The following NGLY1 variants were observed in gnomAD, a reference collection of about 807,000 sequenced individuals.
NGLY1 encodes N-glycanase 1.
Under a neutral mutation model 84.6 loss-of-function variants are expected in NGLY1, and 68 were observed. The observed-to-expected ratio is 0.80, with a 90% CI of 0.66 to 0.98. The LOEUF (loss-of-function observed/expected upper bound fraction) is 0.98, where lower values mean the gene tolerates loss of function less well. Ranked by LOEUF, NGLY1 falls within the 50% of genes least tolerant of loss-of-function variation. NGLY1 has a pLI of 0.00. For missense variants in NGLY1, 779 were observed against 770.2 expected (o/e 1.01, Z -0.14); for synonymous variants, 280 against 275.2 (o/e 1.02, Z -0.17).
At chr3:25,721,583 A>C (rs914175285) in intron 10 of NGLY1, among the ~76,000 whole-genome samples, 1 of 151,598 alleles carries the variant, frequency 6.6e-6, no homozygotes, top group East Asian at 2.0e-4. Flanking sequence ...CCCTGCCTCT[A>C]CTAAAAATAC....
intron 5 of NGLY1, among the ~76,000 whole-genome samples, chr3:25,738,951 T>G (rs1431047239): frequency 6.6e-6 from 1 of 152,180 alleles, no homozygotes; most frequent in Non-Finnish European, 1.5e-5. Context: ...AAATTTAAAA[T>G]GTCCTTAGTT....
At chr3:25,766,244 T>C (rs1474721911) in intron 2 of NGLY1, among the ~76,000 whole-genome samples, 4 of 152,024 alleles carry the variant, frequency 2.6e-5, no homozygotes, top group African/African-American at 7.2e-5. Flanking sequence ...TTTTGTATTT[T>C]TTAGTAGAGA....
chr3:25,754,973 T>C, intron 3 of NGLY1: 1 of 775,562 alleles, frequency 1.3e-6, no homozygotes, highest in Admixed American at 1.8e-5. Context: ...TAGGGATGCC[T>C]TGGTGATGGC....
intron 7 of NGLY1, chr3:25,734,969 T>C (rs144299409): frequency 2.6e-4 from 130 of 491,962 alleles, no homozygotes; most frequent in African/African-American, 2.4e-3. Context: ...GAAAGACAAT[T>C]CAATGGAGAA....
Position 25,732,361 on chromosome 3 carries a change from C to T in NGLY1, c.1383G>A (p.Gly461=), listed in dbSNP as rs938966609. 6.2e-6 allele frequency: 10 copies of T among 1,613,618 alleles called. No homozygotes were observed. Among genetic ancestry groups the T allele is most frequent in the Non-Finnish European group, 7.6e-6 (9 of 1,179,744 alleles). The change falls in exon 9 of 12, where the codon GGG becomes GGA. Residue 461 remains glycine (G), a synonymous_variant. Coordinates refer to ENST00000280700, the MANE Select transcript of NGLY1 (RefSeq NM_018297.4). ...KPGELGGRIS[G]SVAWRVARGE... The stretch of plus-strand genomic sequence containing the variant: ...CTCGGGCTACTCTCCAAGCCACTGA[C>T]CCAGATATTCTTCCCCCAAGTTCTC...
chr3:25,719,770 A>T, intron 11 of NGLY1, 135 bp from the exon 12 acceptor site: 1 of 730,654 alleles, frequency 1.4e-6, no homozygotes, highest in Non-Finnish European at 2.1e-6. Flanking sequence ...ATTATTCTTT[A>T]TGGAAGAAAT....
intron 8 of NGLY1, among the ~76,000 whole-genome samples, chr3:25,733,223 A>G (rs796545043): frequency 1.3e-5 from 2 of 152,314 alleles, no homozygotes; most frequent in African/African-American, 4.8e-5. Context: ...CTCACCTGGA[A>G]TCATTATCAC....
At chr3:25,777,317 T>C (rs6798164) in intron 2 of NGLY1, among the ~76,000 whole-genome samples, 13,204 of 142,024 alleles carry the variant, frequency 0.093, 1,317 homozygotes, top group African/African-American at 0.26. Flanking sequence ...ATCGCTTGAA[T>C]CCAGGAGGCG....
chr3:25,739,728 A>G lies in NGLY1; in HGVS notation c.730T>C (p.Trp244Arg), dbSNP rs1135401729. 1 of 1,614,150 alleles carries G rather than the reference A, an allele frequency of 6.2e-7. No individual in the cohort carries two copies. The highest frequency in any genetic ancestry group is 8.5e-7 in the Non-Finnish European group (1 of 1,180,010). ...LHWFKEEFFH[W>R]VNNVLCSKCG... ...TTGCTGCACAAAACGTTATTCACCCAGTGAAAAAATTCTTCCTTAAACCAG... is the reference window on the plus strand; with the variant it reads ...TTGCTGCACAAAACGTTATTCACCCGGTGAAAAAATTCTTCCTTAAACCAG... The change falls in exon 5 of 12, where the codon TGG (tryptophan) becomes CGG (arginine). Residue 244 changes from tryptophan (W) to arginine (R), a missense_variant. Physicochemically the swap from Trp to Arg is moderately radical, Grantham distance 101. Transcript: ENST00000280700.
intron 6 of NGLY1, chr3:25,736,529 G>A (rs533544648): frequency 1.6e-6 from 1 of 638,346 alleles, no homozygotes; most frequent in African/African-American, 1.9e-5. Flanking sequence ...GAACCAGCAG[G>A]AAGTCTAATA....
chr3:25,766,545 G>A (rs556794340), intron 2 of NGLY1, among the ~76,000 whole-genome samples: 25 of 152,282 alleles, frequency 1.6e-4, no homozygotes, highest in Admixed American at 1.2e-3. Flanking sequence ...GGGAATGAGC[G>A]GAGAACATTT....
At chr3:25,741,233 G>A (rs1028749699) in intron 4 of NGLY1, among the ~76,000 whole-genome samples, 1 of 151,200 alleles carries the variant, frequency 6.6e-6, no homozygotes, top group Non-Finnish European at 1.5e-5. Flanking sequence ...GAATCATAAG[G>A]TAAATTTGCC....
intron 3 of NGLY1, 88 bp downstream of exon 3, chr3:25,763,978 T>A: frequency 6.7e-7 from 1 of 1,493,424 alleles, no homozygotes; most frequent in South Asian, 1.3e-5. Flanking sequence ...GGGCATAAAT[T>A]CAGGAATAAA....
At chr3:25,749,507 T>G (rs1407823631) in intron 4 of NGLY1, 46 of 1,577,560 alleles carry the variant, frequency 2.9e-5, no homozygotes, top group Non-Finnish European at 3.8e-5. Flanking sequence ...CTCAGACCCC[T>G]TGTGAAGCCC....
intron 4 of NGLY1, among the ~76,000 whole-genome samples, chr3:25,749,111 C>T (rs1446192151): frequency 6.6e-6 from 1 of 152,060 alleles, no homozygotes; most frequent in Non-Finnish European, 1.5e-5. Flanking sequence ...TTGGTAAAAA[C>T]AGGGGAAATT....
At chr3:25,764,820 T>C (rs1296233532) in intron 2 of NGLY1, among the ~76,000 whole-genome samples, 1 of 152,218 alleles carries the variant, frequency 6.6e-6, no homozygotes, top group African/African-American at 2.4e-5. Context: ...AATAGCTACA[T>C]GATTAGAAGC....
Position 25,736,037 on chromosome 3 carries a change from C to G in NGLY1, c.1116G>C (p.Lys372Asn). The change falls in exon 7 of 12, where the codon AAG (lysine) becomes AAC (asparagine). Residue 372 changes from lysine (K) to asparagine (N), a missense_variant. Coordinates refer to ENST00000280700, the MANE Select transcript of NGLY1 (RefSeq NM_018297.4). ...TTGAAAATGCTATGACATAGGAAAG[C>G]TTCTTGCCCCATCCTATTTCATAAA... is the stretch of plus-strand genomic sequence containing the variant. ...PLLYEIGWGKKLSYVIAFSKD... is the reference protein window; with the variant it reads ...PLLYEIGWGKNLSYVIAFSKD... The G allele has an allele frequency of 1.2e-6, 2 of 1,613,850 alleles. No homozygotes were observed. The highest frequency in any genetic ancestry group is 1.7e-6 in the Non-Finnish European group (2 of 1,179,858).
intron 2 of NGLY1, among the ~76,000 whole-genome samples, chr3:25,769,160 A>T (rs1431465114): frequency 6.6e-6 from 1 of 152,020 alleles, no homozygotes; most frequent in Non-Finnish European, 1.5e-5. Context: ...GGAGTTCGAG[A>T]CCAGTCTGGC....
intron 3 of NGLY1, among the ~76,000 whole-genome samples, chr3:25,762,273 C>T (rs1208083626): frequency 6.6e-6 from 1 of 152,102 alleles, no homozygotes; most frequent in African/African-American, 2.4e-5. Context: ...AGTATCTCCA[C>T]TCAAAATGGG....
Sources: allele counts gnomAD v4.1 joint callset (sites outside exome capture counted in the v4.1 genomes callset), GRCh38; gene constraint gnomAD v4.1.1; transcripts MANE v1.5; gene names NCBI Gene and HGNC (gene_info 2026-07-23, HGNC 2026-07-21).